The following DPP4 variants were observed in gnomAD, a reference collection of about 807,000 sequenced individuals.
DPP4 encodes the protein ADCP-2.
A neutral mutation model predicts 122.4 loss-of-function variants in DPP4; 93 were observed. That is an observed-to-expected ratio of 0.76 (90% CI 0.64 to 0.90). The LOEUF is 0.90. DPP4 is among the 40% of genes least tolerant of loss of function. The probability of loss-of-function intolerance (pLI) is 0.00; values close to 1 mark genes in which losing one functional copy is unlikely to be tolerated. For synonymous variants in DPP4, 321 were observed against 302.9 expected (o/e 1.06, Z -0.62); for missense variants, 914 against 907.3 (o/e 1.01, Z -0.09).
intron 12 of DPP4, among the ~76,000 whole-genome samples, chr2:162,020,910 T>C (rs760642071): frequency 1.3e-5 from 2 of 152,178 alleles, no homozygotes; most frequent in Non-Finnish European, 2.9e-5. Context: ...AATGAGAGAA[T>C]GTATATAAAG....
Position 162,033,561 on chromosome 2 carries a change from A to C in DPP4, c.867T>G (p.Ala289=). ...CTTACCCTATCAACATAGAAGCAGG[A>C]GCAGTGATTTGTATGGAAGTTGCAT... is the stretch of plus-strand genomic sequence containing the variant. ...VTNATSIQIT[A]PASMLIGDHY... is the part of the protein sequence containing the mutation. Residue 289 remains alanine (A), a synonymous_variant, in exon 10 of 26, where the codon GCT becomes GCG. Transcript: ENST00000360534. 1 of 1,612,894 alleles carries C rather than the reference A, an allele frequency of 6.2e-7. No homozygotes were observed. Among genetic ancestry groups the C allele is most frequent in the Non-Finnish European group, 8.5e-7 (1 of 1,179,298 alleles).
Position 162,024,975 on chromosome 2 carries a change from G to A in DPP4, c.888-36C>T, listed in dbSNP as rs576150609. 9.3e-6 allele frequency: 15 copies of A among 1,604,916 alleles called. No homozygotes were observed. The African/African-American group carries it at 1.7e-4, about 19-fold the overall frequency. On this transcript the variant is annotated intron_variant, in intron 10 of 25. Coordinates refer to ENST00000360534, the MANE Select transcript of DPP4 (RefSeq NM_001935.4). ...GAAAGAAAGGAAGGACAGAGAGAGA[G>A]AATGAACATGACTATTGCCAGACCT...
At chr2:162,046,677 A>G in intron 4 of DPP4, 1 of 583,764 alleles carries the variant, frequency 1.7e-6, no homozygotes, top group Non-Finnish European at 3.2e-6. Context: ...AGGCAAATGA[A>G]GATGGAGCCC....
In DPP4 at chr2:162,011,777, T is replaced by TCTC. The variant is rs1361239186; in HGVS notation, c.1832+13_1832+15dup. On this transcript the variant is annotated intron_variant, in intron 20 of 25. Transcript: ENST00000360534. ...AAAAATCAGATGACCTTTGACTTCA[T>TCTC]CTCCTAGTCACTCACCTGGCTGCTT... 6.2e-7 allele frequency: 1 copy of TCTC among 1,610,702 alleles called. No homozygotes were observed. The highest frequency in any genetic ancestry group is 8.5e-7 in the Non-Finnish European group (1 of 1,177,910).
chr2:162,017,276 T>C (rs1042867639), intron 16 of DPP4, 121 bp from the exon 17 acceptor site: 3 of 799,186 alleles, frequency 3.8e-6, no homozygotes, highest in African/African-American at 3.5e-5. Flanking sequence ...ATAAATATTA[T>C]AATGCATAAG....
At position 162,014,453 on chromosome 2, in the gene DPP4, T is replaced by C; in HGVS notation, c.1580A>G (p.Gln527Arg). ...ATCAAAATGAGGAGGCAAGATCATCTGATACCAAAATTCTAAACAAACAGA... is the reference window on the plus strand; with the variant it reads ...ATCAAAATGAGGAGGCAAGATCATCCGATACCAAAATTCTAAACAAACAGA... ...IILNETKFWY[Q>R]MILPPHFDKS... is the part of the protein sequence containing the mutation. Residue 527 changes from glutamine (Q) to arginine (R), a missense_variant, in exon 19 of 26, where the codon CAG (glutamine) becomes CGG (arginine). Physicochemically the swap from Gln to Arg is conservative, Grantham distance 43. Transcript: ENST00000360534. The C allele has an allele frequency of 1.9e-6, 3 of 1,607,214 alleles. No individual in the cohort carries two copies. The highest frequency in any genetic ancestry group is 2.2e-5 in the East Asian group (1 of 44,660).
intron 2 of DPP4, among the ~76,000 whole-genome samples, chr2:162,050,153 C>T (rs1040046637): frequency 6.6e-6 from 1 of 152,128 alleles, no homozygotes; most frequent in Admixed American, 6.5e-5. Context: ...CTCTCAATTG[C>T]TTGTATTCAT....
At chr2:162,067,333 A>G (rs572779268) in intron 2 of DPP4, among the ~76,000 whole-genome samples, 193 of 152,270 alleles carry the variant, frequency 1.3e-3, no homozygotes, top group African/African-American at 4.1e-3. Context: ...TGGGGTCCCC[A>G]GTTTTAAGAA....
intron 20 of DPP4, 39 bp from the exon 21 acceptor site, chr2:162,009,334 T>C (rs1559707230): frequency 1.3e-6 from 2 of 1,587,376 alleles, no homozygotes; most frequent in Admixed American, 3.3e-5. Flanking sequence ...CAGTACTGCA[T>C]TGTGTATAGA....
At position 162,073,982 on chromosome 2, in the gene DPP4, C is replaced by G. The variant is rs760153384; in HGVS notation, c.-1G>C. 6.2e-7 allele frequency: 1 copy of G among 1,612,262 alleles called. No homozygotes were observed. Among genetic ancestry groups the G allele is most frequent in the East Asian group, 2.2e-5 (1 of 44,664 alleles). The stretch of plus-strand genomic sequence containing the variant: ...TACGTGGCGCGGCACTCACCTTCAT[C>G]GTCGGCGTCTCCTCGGAAGTGAGCG... On this transcript the variant is annotated 5_prime_UTR_variant, in exon 1 of 26. Transcript: ENST00000360534.
chr2:162,064,217 G>A (rs1048528065), intron 2 of DPP4, among the ~76,000 whole-genome samples: 14 of 152,154 alleles, frequency 9.2e-5, no homozygotes, highest in South Asian at 4.1e-4. Context: ...AAAAGCAAGC[G>A]AGTGAGCAGA....
intron 2 of DPP4, among the ~76,000 whole-genome samples, chr2:162,063,437 G>A (rs1684849766): frequency 6.6e-6 from 1 of 152,092 alleles, no homozygotes; most frequent in South Asian, 2.1e-4. Context: ...AAAAGGAAAA[G>A]GTCTTAGGAT....
chr2:162,039,089 G>T (rs199784855), intron 6 of DPP4, 43 bp downstream of exon 6: 12 of 1,610,296 alleles, frequency 7.5e-6, no homozygotes, highest in Non-Finnish European at 8.5e-7. Context: ...TTAAAAATAT[G>T]ACAGTAGGAA....
At chr2:162,025,264 A>C (rs1343020662) in intron 10 of DPP4, among the ~76,000 whole-genome samples, 1 of 152,128 alleles carries the variant, frequency 6.6e-6, no homozygotes, top group Non-Finnish European at 1.5e-5. Context: ...CAGGGAGTCA[A>C]GGGTAATGTT....
chr2:162,018,892 T>C (rs758005464), intron 15 of DPP4, 42 bp from the exon 16 acceptor site: 4 of 1,610,898 alleles, frequency 2.5e-6, no homozygotes, highest in East Asian at 2.2e-5. Flanking sequence ...GAAGAAAAGA[T>C]AAGTGAGAGG....
rs1683085696 is a variant in DPP4, at chr2:162,020,506, A to G, written c.1176+75T>C. 5.8e-6 allele frequency: 7 copies of G among 1,201,986 alleles called. No individual in the cohort carries two copies. In the South Asian group the frequency reaches 1.0e-4, roughly 18 times the overall value. The allele number at this position is 1,201,986 out of a possible 1,614,324, so 74.5% of individuals were successfully genotyped here. A position where few individuals can be genotyped will look rare whatever the true frequency, so the allele number is the denominator to read the frequency against. ...TATACACATTGATCCACCTTACCAAATGATTTCCACTTCAAGTTGGTTTCC... is the reference window on the plus strand; with the variant it reads ...TATACACATTGATCCACCTTACCAAGTGATTTCCACTTCAAGTTGGTTTCC... On this transcript the variant is annotated intron_variant, in intron 13 of 25. Coordinates refer to ENST00000360534, the MANE Select transcript of DPP4 (RefSeq NM_001935.4).
Position 162,045,590 on chromosome 2 carries a change from T to C in DPP4, c.308A>G (p.Asn103Ser). The change falls in exon 5 of 26, where the codon AAT becomes AGT. Residue 103 changes from asparagine to serine, a missense_variant. Asn to Ser is a conservative substitution (Grantham distance 46). Coordinates refer to ENST00000360534, the MANE Select transcript of DPP4 (RefSeq NM_001935.4). ...STFDEFGHSI[N>S]DYSISPDGQF... is the part of the protein sequence containing the mutation. ...CCCATCAGGAGATATTGAATAATCA[T>C]TGATAGAATGTCCAAACTCATCCTG... 2 of 1,612,758 alleles carry C rather than the reference T, an allele frequency of 1.2e-6. No homozygotes were observed. Among genetic ancestry groups the C allele is most frequent in the Non-Finnish European group, 1.7e-6 (2 of 1,178,992 alleles).
chr2:162,026,198 A>G (rs1321046288), intron 10 of DPP4, among the ~76,000 whole-genome samples: 1 of 152,180 alleles, frequency 6.6e-6, no homozygotes, highest in Non-Finnish European at 1.5e-5. Flanking sequence ...GGGATGGATT[A>G]GGTGCTGGAT....
chr2:162,011,525 A>G (rs2106089432), intron 20 of DPP4, among the ~76,000 whole-genome samples: 1 of 152,208 alleles, frequency 6.6e-6, no homozygotes, highest in Non-Finnish European at 1.5e-5. Flanking sequence ...TGTTCTTAGA[A>G]TGTGGTAGGA....
Sources: gnomAD v4.1 joint callset for allele counts (sites outside exome capture counted in the v4.1 genomes callset) on GRCh38, gnomAD v4.1.1 for gene constraint, MANE v1.5 for transcripts, NCBI Gene and HGNC (gene_info 2026-07-23, HGNC 2026-07-21) for gene names.